DNAH9: variants seen among roughly 807,000 people sequenced by gnomAD.
DNAH9 encodes the protein dynein axonemal heavy chain 9.
In DNAH9, 345 loss-of-function variants were observed where a neutral mutation model predicts 471.6. That is an observed-to-expected ratio of 0.73 (90% CI 0.67 to 0.80). The LOEUF is 0.80. Ranked by LOEUF, DNAH9 falls within the 30% of genes least tolerant of loss-of-function variation. The pLI is 0.00. For missense variants in DNAH9, 5,407 were observed against 5,609.2 expected (o/e 0.96, Z 1.15); for synonymous variants, 2,093 against 2,123.6 (o/e 0.99, Z 0.40).
chr17:11,676,582 C>T (rs573480584), intron 17 of DNAH9, among the ~76,000 whole-genome samples: 1 of 152,196 alleles, frequency 6.6e-6, no homozygotes, highest in East Asian at 1.9e-4. Flanking sequence ...TGCACCTGGC[C>T]TTCTATTCAT....
chr17:11,904,847 T>C (rs183844642), intron 60 of DNAH9, among the ~76,000 whole-genome samples: 140 of 152,148 alleles, frequency 9.2e-4, no homozygotes, highest in Middle Eastern at 3.4e-3. Context: ...TAAGTGGTTA[T>C]AGCTATGAAG....
chr17:11,882,247 C>T (rs558707619), intron 55 of DNAH9, among the ~76,000 whole-genome samples: 4 of 152,302 alleles, frequency 2.6e-5, no homozygotes, highest in Admixed American at 2.6e-4. Flanking sequence ...CTCACATGAC[C>T]TCTTCTTTGC....
At chr17:11,750,303 G>A (rs1367700914) in intron 32 of DNAH9, among the ~76,000 whole-genome samples, 1 of 151,920 alleles carries the variant, frequency 6.6e-6, no homozygotes, top group Non-Finnish European at 1.5e-5. Flanking sequence ...AACTTTAAAA[G>A]AATACAAATC....
chr17:11,836,622 C>T (rs1489345965), intron 49 of DNAH9, among the ~76,000 whole-genome samples: 1 of 152,164 alleles, frequency 6.6e-6, no homozygotes, highest in Non-Finnish European at 1.5e-5. Flanking sequence ...CTCTGCTCAC[C>T]TGTAGGCCTT....
rs755273559 is a variant in DNAH9, at chr17:11,969,469, C to A, written c.13403C>A (p.Thr4468Asn). 6.2e-7 allele frequency: 1 copy of A among 1,613,768 alleles called. No homozygotes were observed. The change falls in exon 69 of 69, where the codon ACT becomes AAT. Residue 4468 changes from threonine to asparagine, a missense_variant. By Grantham distance (65) the Thr-to-Asn change is moderately conservative. Transcript: ENST00000262442. ...TACGTGTGGACTTTCAACCTGAAGA[C>A]TAAGGAAAACCCATCCAAGTGGGTT... ...PTYVWTFNLK[T>N]KENPSKWVLA...
At chr17:11,776,802 G>A (rs73978407) in intron 38 of DNAH9, among the ~76,000 whole-genome samples, 2,482 of 152,208 alleles carry the variant, frequency 0.016, 56 homozygotes, top group African/African-American at 0.057. Flanking sequence ...GAAAAAGTCA[G>A]CCTTCAATTG....
rs867281053 is a variant in DNAH9, at chr17:11,615,483, G to T, written c.905-1928G>T. On this transcript the variant is annotated intron_variant, in intron 4 of 68. Transcript: ENST00000262442. ...GTCTGTAATCCCAGCTACTAGGGAG[G>T]CTGAGGCAGGAGAATAGACTAAACC... is the stretch of plus-strand genomic sequence containing the variant. Among the ~76,000 whole-genome samples the T allele has an allele frequency of 9.2e-5, 14 of 152,038 alleles. No homozygotes were observed. The South Asian group carries it at 2.9e-3, about 32-fold the overall frequency.
At chr17:11,871,049 C>A (rs1972243842) in intron 51 of DNAH9, among the ~76,000 whole-genome samples, 1 of 152,140 alleles carries the variant, frequency 6.6e-6, no homozygotes, top group South Asian at 2.1e-4. Context: ...GCTCTCCTCC[C>A]AGGGAGACTG....
intron 67 of DNAH9, among the ~76,000 whole-genome samples, chr17:11,952,388 G>A (rs1485160290): frequency 7.0e-6 from 1 of 142,246 alleles, no homozygotes; most frequent in African/African-American, 2.6e-5. Context: ...ACACTCCCGG[G>A]CTCAAAGTGC....
chr17:11,692,261 A>G (rs2074346753), intron 20 of DNAH9, among the ~76,000 whole-genome samples: 1 of 152,188 alleles, frequency 6.6e-6, no homozygotes, highest in Non-Finnish European at 1.5e-5. Context: ...GTAAACTGGG[A>G]CTAATACTAG....
At chr17:11,615,184 G>A (rs1006138332) in intron 4 of DNAH9, among the ~76,000 whole-genome samples, 12 of 152,196 alleles carry the variant, frequency 7.9e-5, no homozygotes, top group Non-Finnish European at 1.3e-4. Context: ...ATTGGCAGAT[G>A]CTACAAATAA....
chr17:11,697,661 G>A (rs1229300038), intron 22 of DNAH9, among the ~76,000 whole-genome samples: 2 of 151,938 alleles, frequency 1.3e-5, no homozygotes, highest in African/African-American at 4.8e-5. Context: ...TCATACTTCC[G>A]TAAGCTGAGA....
rs8070256 is a variant in DNAH9, at chr17:11,883,634, T to C, written c.10855T>C (p.Leu3619=). Residue 3619 remains leucine (L), a synonymous_variant, in exon 56 of 69, where the codon TTG becomes CTG. Transcript: ENST00000262442. The part of the protein sequence containing the change: ...QNGFKITLKT[L]EDSLLSRLSS... ...TGGATTCAAAATTACCCTGAAAACGTTGGAAGACAGTCTTCTCTCTCGCCT... is the reference window on the plus strand; with the variant it reads ...TGGATTCAAAATTACCCTGAAAACGCTGGAAGACAGTCTTCTCTCTCGCCT... 762,310 of 1,613,760 alleles carry C rather than the reference T, an allele frequency of 0.47. 185,136 individuals are homozygous for C. Among genetic ancestry groups the C allele is most frequent in the Middle Eastern group, 0.55 (3,310 of 6,060 alleles).
intron 50 of DNAH9, among the ~76,000 whole-genome samples, chr17:11,868,908 C>T (rs1280068083): frequency 2.0e-5 from 3 of 152,136 alleles, no homozygotes; most frequent in African/African-American, 7.2e-5. Flanking sequence ...GATGTCCACT[C>T]CACCCTCCCA....
At chr17:11,642,760 G>A (rs1181583784) in intron 10 of DNAH9, among the ~76,000 whole-genome samples, 1 of 152,198 alleles carries the variant, frequency 6.6e-6, no homozygotes, top group Non-Finnish European at 1.5e-5. Flanking sequence ...TGAGACCCGG[G>A]GTTGGGGCCT....
At chr17:11,726,493 C>T (rs1025037066) in intron 27 of DNAH9, among the ~76,000 whole-genome samples, 5 of 152,136 alleles carry the variant, frequency 3.3e-5, no homozygotes, top group African/African-American at 4.8e-5. Context: ...CCTGTGGTTC[C>T]GCGGAATAAA....
At chr17:11,655,801 G>A (rs528984226) in intron 14 of DNAH9, among the ~76,000 whole-genome samples, 1 of 151,800 alleles carries the variant, frequency 6.6e-6, no homozygotes, top group Non-Finnish European at 1.5e-5. Context: ...CTCATAAGTG[G>A]GAGCTAAACT....
At chr17:11,718,334 A>G (rs1220906709) in intron 26 of DNAH9, among the ~76,000 whole-genome samples, 1 of 152,184 alleles carries the variant, frequency 6.6e-6, no homozygotes, top group Non-Finnish European at 1.5e-5. Flanking sequence ...TTCACTGTTG[A>G]TAGATATTTG....
intron 32 of DNAH9, among the ~76,000 whole-genome samples, chr17:11,749,074 G>GTTTTTTTTTTGTTTTTTTTT (rs1567772305): frequency 3.1e-4 from 15 of 49,106 alleles, no homozygotes; most frequent in African/African-American, 4.4e-4. Flanking sequence ...GTTTTTTTTT[G>GTTTTTTTTTTGTTTTTTTTT]TTTTTTTTTT....
Sources: gnomAD v4.1 joint callset for allele counts (sites outside exome capture counted in the v4.1 genomes callset) on GRCh38, gnomAD v4.1.1 for gene constraint, MANE v1.5 for transcripts, NCBI Gene and HGNC (gene_info 2026-07-23, HGNC 2026-07-21) for gene names.